Variants in LIN54 observed in about 807,000 individuals in gnomAD.
LIN54 encodes the protein lin-54 DREAM MuvB core complex component.
In LIN54, 9 loss-of-function variants were observed where a neutral mutation model predicts 78.7. The ratio of observed to expected loss-of-function variants is 0.11; its 90% CI spans 0.07 to 0.20. The LOEUF (loss-of-function observed/expected upper bound fraction) is 0.20, where lower values mean the gene tolerates loss of function less well. Ranked by LOEUF, LIN54 falls within the 10% of genes least tolerant of loss-of-function variation. LIN54 has a pLI of 1.00. For missense variants in LIN54, 573 were observed against 889.9 expected (o/e 0.64, Z 4.53); for synonymous variants, 269 against 318.4 (o/e 0.84, Z 1.65).
intron 5 of LIN54, among the ~76,000 whole-genome samples, chr4:82,944,031 A>G (rs1401998601): frequency 6.6e-6 from 1 of 150,912 alleles, no homozygotes; most frequent in Non-Finnish European, 1.5e-5. Context: ...ACCACGCCCA[A>G]CTAATTATTG....
At chr4:82,999,712 A>G (rs558041194) in intron 1 of LIN54, among the ~76,000 whole-genome samples, 1 of 144,798 alleles carries the variant, frequency 6.9e-6, no homozygotes, top group Non-Finnish European at 1.5e-5. Flanking sequence ...CGGGAGGCAG[A>G]GGCTACAGTG....
At chr4:82,933,638 T>C (rs879469845) in intron 11 of LIN54, among the ~76,000 whole-genome samples, 3 of 152,258 alleles carry the variant, frequency 2.0e-5, no homozygotes, top group Non-Finnish European at 2.9e-5. Flanking sequence ...ATTCATAGTT[T>C]AGTATATTCT....
At chr4:83,004,413 AAAAG>A (rs1034315520) in intron 1 of LIN54, among the ~76,000 whole-genome samples, 12 of 149,846 alleles carry the variant, frequency 8.0e-5, no homozygotes, top group South Asian at 2.1e-4. Context: ...AAAAAAAAAA[AAAAG>A]AAAGAAAGAA....
chr4:83,010,623 C>T lies in LIN54; in HGVS notation c.-172G>A, dbSNP rs1228560068. 5.7e-6 allele frequency: 7 copies of T among 1,230,080 alleles called. No individual in the cohort carries two copies. The South Asian group carries it at 2.9e-4, about 51-fold the overall frequency. The allele number at this position is 1,230,080 out of a possible 1,614,324, so 76.2% of individuals were successfully genotyped here. A position where few individuals can be genotyped will look rare whatever the true frequency, so the allele number is the denominator to read the frequency against. On this transcript the variant is annotated 5_prime_UTR_variant, in exon 1 of 13. Coordinates refer to ENST00000340417, the MANE Select transcript of LIN54 (RefSeq NM_194282.4). Reference sequence around the variant, plus strand: ...CAGCAGCTTCCTTTCCCAGTTTGTCCAAACTGGAGCGCTCCAGGGTACCCG... The same window carrying T: ...CAGCAGCTTCCTTTCCCAGTTTGTCTAAACTGGAGCGCTCCAGGGTACCCG...
At chr4:82,948,650 A>C (rs2126047554) in intron 4 of LIN54, among the ~76,000 whole-genome samples, 1 of 152,284 alleles carries the variant, frequency 6.6e-6, no homozygotes, top group South Asian at 2.1e-4. Flanking sequence ...AGATTTCTAC[A>C]CTTGTTCATC....
At chr4:82,981,491 C>A (rs756538328) in intron 2 of LIN54, among the ~76,000 whole-genome samples, 10 of 152,042 alleles carry the variant, frequency 6.6e-5, no homozygotes, top group East Asian at 3.8e-4. Flanking sequence ...GGGAAAAAAA[C>A]CAGAAAATCA....
chr4:82,941,208 C>A (rs979700221), intron 5 of LIN54, among the ~76,000 whole-genome samples: 1 of 145,828 alleles, frequency 6.9e-6, no homozygotes, highest in Non-Finnish European at 1.5e-5. Context: ...AGAAAAAGCA[C>A]ACGGAGGACA....
intron 4 of LIN54, among the ~76,000 whole-genome samples, chr4:82,959,911 A>C (rs1023200145): frequency 2.6e-5 from 4 of 152,178 alleles, no homozygotes; most frequent in Admixed American, 2.0e-4. Context: ...ATCACAAATT[A>C]TTTTTAAGAA....
chr4:83,001,358 T>G (rs1560794541), intron 1 of LIN54, among the ~76,000 whole-genome samples: 2 of 151,244 alleles, frequency 1.3e-5, no homozygotes, highest in Non-Finnish European at 2.9e-5. Context: ...TTGAGTAACC[T>G]GGGCAACCTA....
intron 6 of LIN54, 74 bp from the exon 7 acceptor site, chr4:82,939,810 C>T (rs1722699013): frequency 4.4e-6 from 7 of 1,584,982 alleles, no homozygotes; most frequent in Non-Finnish European, 8.7e-7. Flanking sequence ...AAATCTCTTG[C>T]ACCTAAATCT....
chr4:82,967,153 G>A (rs1022607593), intron 4 of LIN54, among the ~76,000 whole-genome samples: 121 of 151,362 alleles, frequency 8.0e-4, no homozygotes, highest in African/African-American at 2.8e-3. Flanking sequence ...TTGAACCCAG[G>A]AGGTGGAGGT....
chr4:82,995,489 C>CTTTTTTTT (rs749880882), intron 1 of LIN54, among the ~76,000 whole-genome samples: 18 of 76,344 alleles, frequency 2.4e-4, no homozygotes, highest in East Asian at 7.7e-4. Flanking sequence ...ATCCTTATCT[C>CTTTTTTTT]TTTTTTTTTT....
At chr4:82,928,587 C>T (rs1358823595) in intron 12 of LIN54, among the ~76,000 whole-genome samples, 1 of 152,198 alleles carries the variant, frequency 6.6e-6, no homozygotes, top group African/African-American at 2.4e-5. Flanking sequence ...TAATAGTCTA[C>T]ACGAAGACTA....
At chr4:82,960,679 T>C (rs895927190) in intron 4 of LIN54, among the ~76,000 whole-genome samples, 1 of 152,128 alleles carries the variant, frequency 6.6e-6, no homozygotes, top group African/African-American at 2.4e-5. Flanking sequence ...GTCTATGCCT[T>C]AATAAAGTTT....
At chr4:83,010,432 A>G (rs1418420595) in intron 1 of LIN54, 52 bp downstream of exon 1, 4 of 274,090 alleles carry the variant, frequency 1.5e-5, no homozygotes, top group South Asian at 3.2e-4. Flanking sequence ...CATCCCCCCA[A>G]ATAAAGAGAT....
intron 1 of LIN54, among the ~76,000 whole-genome samples, chr4:82,988,013 C>T: frequency 6.6e-6 from 1 of 152,192 alleles, no homozygotes; most frequent in African/African-American, 2.4e-5. Context: ...TAAAAGCATT[C>T]CTATTTCTCC....
intron 1 of LIN54, among the ~76,000 whole-genome samples, chr4:82,995,820 G>T (rs1268963865): frequency 1.3e-5 from 2 of 151,684 alleles, no homozygotes; most frequent in African/African-American, 4.8e-5. Context: ...TTCAATCAGG[G>T]TCACATGCAG....
At chr4:83,008,903 T>C (rs573294465) in intron 1 of LIN54, among the ~76,000 whole-genome samples, 1 of 152,294 alleles carries the variant, frequency 6.6e-6, no homozygotes, top group Non-Finnish European at 1.5e-5. Context: ...TGAAAAAGCT[T>C]TTTAATCTCC....
intron 1 of LIN54, among the ~76,000 whole-genome samples, chr4:82,997,947 T>C (rs1273652579): frequency 6.7e-6 from 1 of 148,766 alleles, no homozygotes; most frequent in African/African-American, 2.5e-5. Flanking sequence ...TGAACCAAGA[T>C]TGCACCACTG....
Sources: allele counts gnomAD v4.1 joint callset (sites outside exome capture counted in the v4.1 genomes callset), GRCh38; gene constraint gnomAD v4.1.1; transcripts MANE v1.5; gene names NCBI Gene and HGNC (gene_info 2026-07-23, HGNC 2026-07-21).